The following APOBEC4 variants were observed in gnomAD, a reference collection of about 807,000 sequenced individuals.
APOBEC4 encodes the protein apolipoprotein B mRNA editing enzyme catalytic polypeptide like 4, also known as putative deaminase APOBEC-4.
For synonymous variants in APOBEC4, 141 were observed against 154.2 expected (o/e 0.91, Z 0.63); for missense variants, 375 against 441.2 (o/e 0.85, Z 1.34).
rs191193501 is a variant in APOBEC4, at chr1:183,650,459, C to T, written c.-30-1648G>A. Among the ~76,000 whole-genome samples the T allele has an allele frequency of 3.3e-3, 503 of 152,202 alleles. 3 individuals carry two copies. The highest frequency in any genetic ancestry group is 0.012 in the African/African-American group (488 of 41,544). ...TCGGGAGGCTGAGGCAGGAGAATAG[C>T]GTGAACCCAGGAGGCAGAGCTTGCA... On this transcript the variant is annotated intron_variant, in intron 1 of 1. Coordinates refer to ENST00000308641, the MANE Select transcript of APOBEC4 (RefSeq NM_203454.3).
chr1:183,648,127 C>T lies in APOBEC4; in HGVS notation c.655G>A (p.Ala219Thr). 1.2e-6 allele frequency: 2 copies of T among 1,614,216 alleles called. No individual in the cohort carries two copies. The highest frequency in any genetic ancestry group is 1.7e-6 in the Non-Finnish European group (2 of 1,180,046). The stretch of plus-strand genomic sequence containing the variant: ...TATGCGTTGTGCCTGTCAGCCAGTG[C>T]TCTCCCAGTTAAAATGGGCTGAAAA... The part of the protein sequence containing the change: ...HVFQPILTGR[A>T]LADRHNAYEI... The change falls in exon 2 of 2, where the codon GCA becomes ACA. Residue 219 changes from alanine (A) to threonine (T), a missense_variant. By Grantham distance (58) the Ala-to-Thr change is moderately conservative. Transcript: ENST00000308641.
intron 1 of APOBEC4, among the ~76,000 whole-genome samples, chr1:183,649,680 T>C (rs1162472629): frequency 6.6e-6 from 1 of 152,218 alleles, no homozygotes; most frequent in Non-Finnish European, 1.5e-5. Context: ...AAAGCAAATA[T>C]GGTTCTTTAG....
Position 183,648,742 on chromosome 1 carries a change from T to C in APOBEC4, c.40A>G (p.Thr14Ala). 1 of 1,612,992 alleles carries C rather than the reference T, an allele frequency of 6.2e-7. No individual in the cohort carries two copies. Among genetic ancestry groups the C allele is most frequent in the Non-Finnish European group, 8.5e-7 (1 of 1,179,518 alleles). ...AGCCAGTAATATGGTTTTACTATTG[T>C]TCCATGATTTGCTAGGTACTCCTCA... is the stretch of plus-strand genomic sequence containing the variant. ...IYEEYLANHG[T>A]IVKPYYWLSF... The change falls in exon 2 of 2, where the codon ACA becomes GCA. Residue 14 changes from threonine (T) to alanine (A), a missense_variant. Thr to Ala is a moderately conservative substitution (Grantham distance 58). Transcript: ENST00000308641.
rs758132039 is a variant in APOBEC4, at chr1:183,652,152, A to G, written c.-31+920T>C. ...GATGTGTATGTGGAGTTAACTATAT[A>G]TAATGGTCCCATAATTACCCTTTTG... On this transcript the variant is annotated intron_variant, in intron 1 of 1. Transcript: ENST00000308641. Among the ~76,000 whole-genome samples, 53 of 152,228 alleles carry G rather than the reference A, an allele frequency of 3.5e-4. 1 individual carries two copies. The highest frequency in any genetic ancestry group is 1.5e-4 in the Non-Finnish European group (10 of 68,048).
Position 183,648,671 on chromosome 1 carries a change from T to A in APOBEC4, c.111A>T (p.Thr37=). ...DCSNCPYHIR[T]GEEARVSLTE... is the part of the protein sequence containing the mutation. ...TGAGGGAAACTCTTGCTTCTTCACC[T>A]GTTCGAATATGGTAAGGACAATTAG... Residue 37 remains threonine, a synonymous_variant, in exon 2 of 2, where the codon ACA becomes ACT. Transcript: ENST00000308641. 1 of 1,614,220 alleles carries A rather than the reference T, an allele frequency of 6.2e-7. No individual in the cohort carries two copies. Among genetic ancestry groups the A allele is most frequent in the Non-Finnish European group, 8.5e-7 (1 of 1,180,010 alleles).
At chr1:183,651,835 T>A (rs1024597508) in intron 1 of APOBEC4, among the ~76,000 whole-genome samples, 1 of 152,222 alleles carries the variant, frequency 6.6e-6, no homozygotes, top group African/African-American at 2.4e-5. Flanking sequence ...CTGACGCCAT[T>A]TCCTGCTTAC....
In APOBEC4 at chr1:183,647,996, G is replaced by A; in HGVS notation, c.786C>T (p.Pro262=). 1 of 1,614,196 alleles carries A rather than the reference G, an allele frequency of 6.2e-7. No individual in the cohort carries two copies. The highest frequency in any genetic ancestry group is 8.5e-7 in the Non-Finnish European group (1 of 1,180,016). Residue 262 remains proline, a synonymous_variant, in exon 2 of 2, where the codon CCC becomes CCT. Coordinates refer to ENST00000308641, the MANE Select transcript of APOBEC4 (RefSeq NM_203454.3). ...TKAQEALESY[P]LNNAFPGQFF... ...ACTGTCCAGGAAAGGCATTGTTTAA[G>A]GGGTAGCTCTCTAAAGCCTCCTGAG...
At chr1:183,650,254 T>A (rs188724898) in intron 1 of APOBEC4, among the ~76,000 whole-genome samples, 1 of 152,218 alleles carries the variant, frequency 6.6e-6, no homozygotes, top group Middle Eastern at 3.4e-3. Context: ...TTATTAAAAA[T>A]AATATTCGGC....
chr1:183,652,326 A>G (rs1358833672), intron 1 of APOBEC4, among the ~76,000 whole-genome samples: 1 of 152,204 alleles, frequency 6.6e-6, no homozygotes, highest in Non-Finnish European at 1.5e-5. Flanking sequence ...AAGGAGATGG[A>G]GAGGACTGTG....
Position 183,647,702 on chromosome 1 carries a change from C to G in APOBEC4, c.1080G>C (p.Lys360Asn), listed in dbSNP as rs1158070073. ...QFASSKEADE[K>N]KKKKGKK is the part of the protein sequence containing the mutation. ...TTTATTTCTTCCCTTTCTTCTTCTT[C>G]TTTTCATCTGCCTCCTTGCTACTTG... is the stretch of plus-strand genomic sequence containing the variant. The change falls in exon 2 of 2, where the codon AAG becomes AAC. Residue 360 changes from lysine (K) to asparagine (N), a missense_variant. Coordinates refer to ENST00000308641, the MANE Select transcript of APOBEC4 (RefSeq NM_203454.3). The G allele has an allele frequency of 6.2e-7, 1 of 1,600,676 alleles. No homozygotes were observed. The highest frequency in any genetic ancestry group is 8.5e-7 in the Non-Finnish European group (1 of 1,170,502).
At chr1:183,648,931 C>T in intron 1 of APOBEC4, 120 bp from the exon 2 acceptor site, 1 of 626,268 alleles carries the variant, frequency 1.6e-6, no homozygotes, top group Non-Finnish European at 2.7e-6. Context: ...GTGATATATG[C>T]ATAGATTTAA....
intron 1 of APOBEC4, 107 bp from the exon 2 acceptor site, chr1:183,648,918 A>T: frequency 1.5e-6 from 1 of 670,324 alleles, no homozygotes; most frequent in Non-Finnish European, 2.5e-6. Flanking sequence ...CACAATAAAG[A>T]TAGTGATATA....
Position 183,648,395 on chromosome 1 carries a change from T to A in APOBEC4, c.387A>T (p.Glu129Asp), listed in dbSNP as rs148292333. 1 of 1,614,082 alleles carries A rather than the reference T, an allele frequency of 6.2e-7. No individual in the cohort carries two copies. The highest frequency in any genetic ancestry group is 8.5e-7 in the Non-Finnish European group (1 of 1,180,048). ...ILYSNNSPCN[E>D]ANHCCISKMY... The stretch of plus-strand genomic sequence containing the variant: ...TTTTGCTGATGCAGCAGTGGTTAGC[T>A]TCATTACAAGGGGAGTTGTTGGAAT... The change falls in exon 2 of 2, where the codon GAA (glutamate) becomes GAT (aspartate). Residue 129 changes from glutamate (E) to aspartate (D), a missense_variant. Physicochemically the swap from Glu to Asp is conservative, Grantham distance 45. Coordinates refer to ENST00000308641, the MANE Select transcript of APOBEC4 (RefSeq NM_203454.3).
chr1:183,649,866 C>T (rs1397688741), intron 1 of APOBEC4, among the ~76,000 whole-genome samples: 2 of 152,186 alleles, frequency 1.3e-5, no homozygotes, highest in African/African-American at 4.8e-5. Context: ...GATTGCAGTG[C>T]AGTGAGATGA....
intron 1 of APOBEC4, among the ~76,000 whole-genome samples, chr1:183,651,832 C>A (rs1264399725): frequency 1.3e-5 from 2 of 152,226 alleles, no homozygotes; most frequent in African/African-American, 4.8e-5. Context: ...AACCTGACGC[C>A]ATTTCCTGCT....
chr1:183,650,359 T>A (rs746497057), intron 1 of APOBEC4, among the ~76,000 whole-genome samples: 1 of 152,040 alleles, frequency 6.6e-6, no homozygotes, highest in African/African-American at 2.4e-5. Flanking sequence ...CTGGCTAACA[T>A]GGTGAAACCC....
At position 183,646,631 on chromosome 1, in the gene APOBEC4, C is replaced by T. The variant is rs941117094; in HGVS notation, c.*1047G>A. The T allele has an allele frequency of 6.6e-6, 1 of 152,164 alleles. No individual in the cohort carries two copies. The highest frequency in any genetic ancestry group is 1.5e-5 in the Non-Finnish European group (1 of 68,034). 9.4% of individuals were successfully genotyped at this position (152,164 alleles called of 1,614,324 possible). A position where few individuals can be genotyped will look rare whatever the true frequency, so the allele number is the denominator to read the frequency against. ...GATTTTAAGAGAAGGTACAAATATT[C>T]ACTGGTGACGAGGATGGAGTCAGAA... is the stretch of plus-strand genomic sequence containing the variant. On this transcript the variant is annotated 3_prime_UTR_variant, in exon 2 of 2. Transcript: ENST00000308641.
intron 1 of APOBEC4, among the ~76,000 whole-genome samples, chr1:183,651,087 A>G (rs946226224): frequency 1.3e-5 from 2 of 152,148 alleles, no homozygotes; most frequent in African/African-American, 4.8e-5. Context: ...AATTATGCCA[A>G]TGTTATTTTA....
chr1:183,648,161 T>G lies in APOBEC4; in HGVS notation c.621A>C (p.Gly207=). The G allele has an allele frequency of 6.2e-7, 1 of 1,614,180 alleles. No homozygotes were observed. The highest frequency in any genetic ancestry group is 8.5e-7 in the Non-Finnish European group (1 of 1,180,028). ...VLHSFISGVS[G]SHVFQPILTG... is the part of the protein sequence containing the mutation. ...TTAAAATGGGCTGAAAAACATGTGA[T>G]CCTGAGACACCACTTATAAAGCTGT... The change falls in exon 2 of 2, where the codon GGA becomes GGC. Residue 207 remains glycine, a synonymous_variant. Coordinates refer to ENST00000308641, the MANE Select transcript of APOBEC4 (RefSeq NM_203454.3).
Sources: allele counts gnomAD v4.1 joint callset (sites outside exome capture counted in the v4.1 genomes callset), GRCh38; gene constraint gnomAD v4.1.1; transcripts MANE v1.5; gene names NCBI Gene and HGNC (gene_info 2026-07-23, HGNC 2026-07-21).